Variants in ADGRD1 observed in about 807,000 individuals in gnomAD.
ADGRD1 encodes adhesion G protein-coupled receptor D1.
ADGRD1 carries 77 observed loss-of-function variants against 113.4 expected under a neutral mutation model. The observed-to-expected ratio is 0.68, with a 90% CI of 0.57 to 0.82. The LOEUF is 0.82. Among genes scored for constraint, ADGRD1 ranks in the 40% least tolerant of loss-of-function variants. ADGRD1 has a pLI of 0.00. For synonymous variants in ADGRD1, 474 were observed against 475.0 expected (o/e 1.00, Z 0.03); for missense variants, 1,036 against 1,139.1 (o/e 0.91, Z 1.30).
At position 131,014,300 on chromosome 12, in the gene ADGRD1, C is replaced by G. The variant is rs372643228; in HGVS notation, c.1433C>G (p.Ser478Trp). ...CCACCCACCCTGTCTCAGAACCTGT[C>G]GGGCTCTCCACTCATTACGGTCCAC... ...SPPPTLSQNL[S>W]GSPLITVHLK... Residue 478 changes from serine to tryptophan, a missense_variant, in exon 13 of 25, where the codon TCG becomes TGG. By Grantham distance (177) the Ser-to-Trp change is radical. Coordinates refer to ENST00000261654, the MANE Select transcript of ADGRD1 (RefSeq NM_198827.5). 3.1e-6 allele frequency: 5 copies of G among 1,613,946 alleles called. No homozygotes were observed. In the African/African-American group the frequency reaches 4.0e-5, roughly 13 times the overall value.
chr12:131,045,847 C>T (rs1041635868), intron 13 of ADGRD1, among the ~76,000 whole-genome samples: 3 of 152,080 alleles, frequency 2.0e-5, no homozygotes, highest in African/African-American at 7.2e-5. Context: ...AAGGTGATAG[C>T]GCCCGTCCTG....
rs1057432298 is a variant in ADGRD1, at chr12:131,057,670, G to T, written c.1474-19131G>T. On this transcript the variant is annotated intron_variant, in intron 13 of 24. Coordinates refer to ENST00000261654, the MANE Select transcript of ADGRD1 (RefSeq NM_198827.5). The surrounding 1 kb of genome is among the most constrained non-coding windows in gnomAD (Gnocchi z 4.2). ...GACACTCAGATGGGACTGAGGGCTC[G>T]TCCCCATCTAGCACAGTCTCATCTT... Among the ~76,000 whole-genome samples the T allele has an allele frequency of 2.0e-5, 3 of 152,086 alleles. No homozygotes were observed. Among genetic ancestry groups the T allele is most frequent in the Non-Finnish European group, 4.4e-5 (3 of 68,024 alleles).
intron 3 of ADGRD1, chr12:130,967,586 A>C (rs1871145771): frequency 6.6e-6 from 1 of 152,476 alleles, no homozygotes; most frequent in African/African-American, 2.4e-5. Flanking sequence ...TGTGATTTCC[A>C]CATTGACACA....
At chr12:130,968,195 T>C (rs1871231275) in intron 3 of ADGRD1, 1 of 152,258 alleles carries the variant, frequency 6.6e-6, no homozygotes, top group Non-Finnish European at 1.5e-5. Context: ...TTGAAACCTT[T>C]ACCTATGAAA....
chr12:131,104,634 C>T (rs192014761), intron 15 of ADGRD1, among the ~76,000 whole-genome samples, 197 bp from the exon 16 acceptor site: 49 of 152,240 alleles, frequency 3.2e-4, no homozygotes, highest in Non-Finnish European at 3.2e-4. Context: ...CGGACATGCA[C>T]GCACAGAACC....
In ADGRD1 at chr12:131,022,568, A is replaced by G. The variant is rs958024959; in HGVS notation, c.1473+8228A>G. On this transcript the variant is annotated intron_variant, in intron 13 of 24. Coordinates refer to ENST00000261654, the MANE Select transcript of ADGRD1 (RefSeq NM_198827.5). This position sits in a 1 kb window ranked among gnomAD's most constrained non-coding sequence, Gnocchi z 4.6. ...ATCCCACAGGGCGCTGTCCGGCTCT[A>G]TCATTACGGATTCTGTTGCTCCCGT... Among the ~76,000 whole-genome samples the G allele has an allele frequency of 6.6e-6, 1 of 152,162 alleles. No individual in the cohort carries two copies. Among genetic ancestry groups the G allele is most frequent in the Non-Finnish European group, 1.5e-5 (1 of 68,028 alleles).
chr12:131,124,997 A>C (rs1950707996), intron 20 of ADGRD1, among the ~76,000 whole-genome samples: 1 of 152,146 alleles, frequency 6.6e-6, no homozygotes, highest in Admixed American at 6.5e-5. Context: ...GGTTCTCCCG[A>C]GGCCTCTCTC....
At chr12:131,052,811 A>AG (rs1195713454) in intron 13 of ADGRD1, among the ~76,000 whole-genome samples, 1 of 152,130 alleles carries the variant, frequency 6.6e-6, no homozygotes, top group African/African-American at 2.4e-5. Flanking sequence ...TGAGCCCCTG[A>AG]GGAGCCGTAG....
intron 8 of ADGRD1, chr12:130,993,748 A>C (rs1593313493): frequency 6.6e-6 from 1 of 152,472 alleles, no homozygotes; most frequent in African/African-American, 2.4e-5. Context: ...ACTTCAGGCC[A>C]TGTACTCGCT....
intron 3 of ADGRD1, chr12:130,969,478 C>T (rs775537246): frequency 1.6e-5 from 3 of 184,946 alleles, no homozygotes; most frequent in Non-Finnish European, 3.4e-5. Context: ...AGCACAAACC[C>T]TACTGTGAAC....
At position 130,997,479 on chromosome 12, in the gene ADGRD1, T is replaced by C. The variant is rs545855678; in HGVS notation, c.967-2904T>C. ...GTTGCCAGGCGGAGGGTCTCCTCACTTCTCAGACGGGGCGGCTGGGCAGAG... is the reference window on the plus strand; with the variant it reads ...GTTGCCAGGCGGAGGGTCTCCTCACCTCTCAGACGGGGCGGCTGGGCAGAG... On this transcript the variant is annotated intron_variant, in intron 8 of 24. Coordinates refer to ENST00000261654, the MANE Select transcript of ADGRD1 (RefSeq NM_198827.5). Among the ~76,000 whole-genome samples the C allele has an allele frequency of 5.7e-4, 82 of 144,054 alleles. No individual in the cohort carries two copies. The East Asian group carries it at 0.017, about 30-fold the overall frequency. The allele number at this position is 144,054 out of a possible 152,430, so 94.5% of individuals were successfully genotyped here. A position where few individuals can be genotyped will look rare whatever the true frequency, so the allele number is the denominator to read the frequency against.
intron 13 of ADGRD1, among the ~76,000 whole-genome samples, chr12:131,061,643 C>T (rs966529465): frequency 3.9e-5 from 6 of 152,156 alleles, no homozygotes; most frequent in Non-Finnish European, 5.9e-5. Context: ...AGAAATACAG[C>T]GCAATGTCAA....
At chr12:131,114,621 C>T (rs1950420917) in intron 18 of ADGRD1, among the ~76,000 whole-genome samples, 1 of 152,138 alleles carries the variant, frequency 6.6e-6, no homozygotes, top group Non-Finnish European at 1.5e-5. Flanking sequence ...GAGCTGGAGG[C>T]CCACCCAGAG....
At position 130,965,186 on chromosome 12, in the gene ADGRD1, CATT is replaced by C. The variant is rs1159217758; in HGVS notation, c.104-1273_104-1271del. Among the ~76,000 whole-genome samples the C allele has an allele frequency of 1.3e-5, 2 of 151,948 alleles. No homozygotes were observed. Among genetic ancestry groups the C allele is most frequent in the Admixed American group, 6.6e-5 (1 of 15,256 alleles). The stretch of plus-strand genomic sequence containing the variant: ...TAGGAGAACTCTTCTTTTTTTGTAG[CATT>C]ATTGTTGGAATACAGAAAAGCAATT... On this transcript the variant is annotated intron_variant, in intron 2 of 24. Coordinates refer to ENST00000261654, the MANE Select transcript of ADGRD1 (RefSeq NM_198827.5). This position sits in a 1 kb window ranked among gnomAD's most constrained non-coding sequence, Gnocchi z 4.8.
chr12:131,090,105 C>G (rs929044033), intron 15 of ADGRD1, among the ~76,000 whole-genome samples: 1 of 152,190 alleles, frequency 6.6e-6, no homozygotes, highest in Non-Finnish European at 1.5e-5. Context: ...CGATCCGTCA[C>G]CGTTCCCTCT....
Position 131,080,787 on chromosome 12 carries a change from A to AT in ADGRD1, c.1548-3747dup, listed in dbSNP as rs58490547. On this transcript the variant is annotated intron_variant, in intron 14 of 24. Transcript: ENST00000261654. Reference sequence around the variant, plus strand: ...AGGCGCCCGCCACCACGCCCGGCTAATTTTTTGTATTTTTAGTAGAGACGG... The same window carrying AT: ...AGGCGCCCGCCACCACGCCCGGCTAATTTTTTTGTATTTTTAGTAGAGACGG... Among the ~76,000 whole-genome samples the AT allele has an allele frequency of 1.1e-3, 163 of 151,868 alleles. 1 individual carries two copies. Among genetic ancestry groups the AT allele is most frequent in the African/African-American group, 3.8e-3 (159 of 41,426 alleles).
At chr12:131,102,133 T>C (rs1463256051) in intron 15 of ADGRD1, among the ~76,000 whole-genome samples, 3 of 152,230 alleles carry the variant, frequency 2.0e-5, no homozygotes, top group Admixed American at 1.3e-4. Flanking sequence ...TCCAAACTTA[T>C]CTGAAAGCAG....
At chr12:131,103,573 T>TC (rs1950148054) in intron 15 of ADGRD1, among the ~76,000 whole-genome samples, 1 of 152,146 alleles carries the variant, frequency 6.6e-6, no homozygotes, top group Non-Finnish European at 1.5e-5. Context: ...TCCAGTGCAC[T>TC]ACCTGCCTCA....
chr12:131,136,133 G>A lies in ADGRD1; in HGVS notation c.2364G>A (p.Gln788=). Residue 788 remains glutamine (Q), a synonymous_variant, in exon 22 of 25, where the codon CAG becomes CAA. Coordinates refer to ENST00000261654, the MANE Select transcript of ADGRD1 (RefSeq NM_198827.5). ...TCAACGGTTGTGCTGTGGTTTTCCA[G>A]TACATGTTTGCCACGCTCAACTCCC... ...LAVNGCAVVF[Q]YMFATLNSLQ... 1.2e-6 allele frequency: 2 copies of A among 1,614,178 alleles called. No homozygotes were observed. The highest frequency in any genetic ancestry group is 8.5e-7 in the Non-Finnish European group (1 of 1,180,036).
Sources: allele counts gnomAD v4.1 joint callset (sites outside exome capture counted in the v4.1 genomes callset), GRCh38; gene constraint gnomAD v4.1.1; non-coding constraint Gnocchi (gnomAD v3.1); transcripts MANE v1.5; gene names NCBI Gene and HGNC (gene_info 2026-07-23, HGNC 2026-07-21).